SCHIP1: variants seen among roughly 807,000 people sequenced by gnomAD.
The protein encoded by SCHIP1 is schwannomin-interacting protein 1.
In SCHIP1, 8 loss-of-function variants were observed where a neutral mutation model predicts 29.7. That is an observed-to-expected ratio of 0.27 (90% CI 0.16 to 0.49). SCHIP1 has a LOEUF of 0.49. Ranked by LOEUF, SCHIP1 falls within the 20% of genes least tolerant of loss-of-function variation. The probability of loss-of-function intolerance (pLI) is 0.99; values close to 1 mark genes in which losing one functional copy is unlikely to be tolerated. For synonymous variants in SCHIP1, 76 were observed against 94.9 expected (o/e 0.80, Z 1.16); for missense variants, 193 against 294.6 (o/e 0.66, Z 2.52).
the SCHIP1 span, among the ~76,000 whole-genome samples, chr3:159,692,369 G>A: frequency 4.1e-5 from 6 of 147,576 alleles, no homozygotes; most frequent in Admixed American, 6.9e-5. Context: ...CCAATTAGAC[G>A]TAGATTTGGT....
chr3:159,302,770 T>C, the SCHIP1 span, among the ~76,000 whole-genome samples: 34 of 152,300 alleles, frequency 2.2e-4, no homozygotes, highest in African/African-American at 7.9e-4. Context: ...GATCCAACCA[T>C]CCCAGTTTGC....
the SCHIP1 span, among the ~76,000 whole-genome samples, chr3:159,591,084 T>C: frequency 6.6e-6 from 1 of 152,212 alleles, no homozygotes; most frequent in East Asian, 1.9e-4. Flanking sequence ...TGTTAGAGGA[T>C]ATAACTTTTT....
At chr3:159,538,672 G>A in the SCHIP1 span, among the ~76,000 whole-genome samples, 1 of 152,080 alleles carries the variant, frequency 6.6e-6, no homozygotes, top group Non-Finnish European at 1.5e-5. Flanking sequence ...GGAAGCATTG[G>A]TTTTGTTTGC....
the SCHIP1 span, among the ~76,000 whole-genome samples, chr3:159,668,053 T>G: frequency 6.6e-6 from 1 of 152,344 alleles, no homozygotes; most frequent in African/African-American, 2.4e-5. Context: ...GGCCTCACCC[T>G]GTGTGACTGC....
chr3:159,496,347 C>A, the SCHIP1 span, among the ~76,000 whole-genome samples: 1 of 152,058 alleles, frequency 6.6e-6, no homozygotes, highest in African/African-American at 2.4e-5. Flanking sequence ...ATTTTTGCAA[C>A]CTACTCATCT....
chr3:159,799,575 T>A, the SCHIP1 span, among the ~76,000 whole-genome samples: 1 of 151,986 alleles, frequency 6.6e-6, no homozygotes, highest in Admixed American at 6.5e-5. Flanking sequence ...ATCCAACAGG[T>A]TTAAGTGTGA....
In SCHIP1 at chr3:159,849,458, C is replaced by T. The variant is rs765204907; in HGVS notation, c.30+9244C>T. Among the ~76,000 whole-genome samples the T allele has an allele frequency of 5.9e-5, 9 of 152,204 alleles. No homozygotes were observed. In the South Asian group the frequency reaches 6.2e-4, roughly 11 times the overall value. The stretch of plus-strand genomic sequence containing the variant: ...CGATTATAGGTTTCTAAGTGGACTA[C>T]GACATTAACCCAGATAAGAATGAAA... On this transcript the variant is annotated intron_variant, in intron 1 of 6. Transcript: ENST00000445224.
chr3:159,675,786 G>A, the SCHIP1 span, among the ~76,000 whole-genome samples: 1 of 152,130 alleles, frequency 6.6e-6, no homozygotes, highest in African/African-American at 2.4e-5. Context: ...CCCCATCTTT[G>A]TCCATGACAG....
chr3:159,318,271 C>G, the SCHIP1 span, among the ~76,000 whole-genome samples: 1 of 152,198 alleles, frequency 6.6e-6, no homozygotes, highest in Non-Finnish European at 1.5e-5. Context: ...CAGTTTTTGA[C>G]CACTCAGAGA....
chr3:159,288,368 G>A, the SCHIP1 span, among the ~76,000 whole-genome samples: 1 of 152,162 alleles, frequency 6.6e-6, no homozygotes, highest in Non-Finnish European at 1.5e-5. Context: ...TACCTACGAA[G>A]TCACAGTAAA....
At chr3:159,799,642 C>T in the SCHIP1 span, among the ~76,000 whole-genome samples, 6 of 152,080 alleles carry the variant, frequency 3.9e-5, no homozygotes, top group African/African-American at 9.7e-5. Flanking sequence ...GTGGTGAGAA[C>T]GTATGGAAGA....
chr3:159,415,872 C>T, the SCHIP1 span, among the ~76,000 whole-genome samples: 1 of 152,136 alleles, frequency 6.6e-6, no homozygotes, highest in African/African-American at 2.4e-5. Flanking sequence ...TAAGGTAACA[C>T]ACACTTTAGT....
chr3:159,596,655 T>C, the SCHIP1 span, among the ~76,000 whole-genome samples: 1 of 152,094 alleles, frequency 6.6e-6, no homozygotes, highest in Non-Finnish European at 1.5e-5. Context: ...TGTAGAGACA[T>C]GAATGAAGCT....
At chr3:159,631,662 G>A in the SCHIP1 span, among the ~76,000 whole-genome samples, 32 of 152,112 alleles carry the variant, frequency 2.1e-4, no homozygotes, top group Admixed American at 1.8e-3. Flanking sequence ...GGTTACCAGG[G>A]GCTGGAGGGA....
the SCHIP1 span, among the ~76,000 whole-genome samples, chr3:159,304,615 A>C: frequency 6.6e-6 from 1 of 152,170 alleles, no homozygotes; most frequent in East Asian, 1.9e-4. Flanking sequence ...TAACATATCC[A>C]AGTGTGTGTT....
chr3:159,713,956 G>C, the SCHIP1 span, among the ~76,000 whole-genome samples: 1 of 152,194 alleles, frequency 6.6e-6, no homozygotes, highest in African/African-American at 2.4e-5. Flanking sequence ...TAAATAACTG[G>C]GCAGGCACAG....
chr3:159,764,641 G>A, the SCHIP1 span: 1 of 1,605,520 alleles, frequency 6.2e-7, no homozygotes, highest in Non-Finnish European at 8.5e-7. This position sits in a 1 kb window ranked among gnomAD's most constrained non-coding sequence, Gnocchi z 6.1. Flanking sequence ...CCAGAAGAAG[G>A]TGATTGATGA....
the SCHIP1 span, among the ~76,000 whole-genome samples, chr3:159,690,089 A>G: frequency 6.6e-6 from 1 of 152,212 alleles, no homozygotes; most frequent in Non-Finnish European, 1.5e-5. Context: ...AGGTTTTGGT[A>G]TCAGGATGAT....
At chr3:159,321,384 C>G in the SCHIP1 span, among the ~76,000 whole-genome samples, 1 of 152,110 alleles carries the variant, frequency 6.6e-6, no homozygotes, top group African/African-American at 2.4e-5. Flanking sequence ...GGATAAATAG[C>G]TAGGAAGCTG....
Sources: gnomAD v4.1 joint callset for allele counts (sites outside exome capture counted in the v4.1 genomes callset) on GRCh38, gnomAD v4.1.1 for gene constraint, Gnocchi (gnomAD v3.1) non-coding constraint, MANE v1.5 for transcripts, NCBI Gene and HGNC (gene_info 2026-07-23, HGNC 2026-07-21) for gene names.